RYR2: variants seen among roughly 807,000 people sequenced by gnomAD.
RYR2 encodes the protein cardiac muscle ryanodine receptor-calcium release channel.
Under a neutral mutation model 601.1 loss-of-function variants are expected in RYR2, and 227 were observed. The observed-to-expected ratio is 0.38, with a 90% CI of 0.34 to 0.42. The LOEUF (loss-of-function observed/expected upper bound fraction) is 0.42, where lower values mean the gene tolerates loss of function less well. Among genes scored for constraint, RYR2 ranks in the 10% least tolerant of loss-of-function variants. The pLI, the probability that RYR2 is intolerant of heterozygous loss-of-function variation, is 1.00. For synonymous variants in RYR2, 2,223 were observed against 2,175.1 expected (o/e 1.02, Z -0.61); for missense variants, 4,646 against 6,156.5 (o/e 0.75, Z 8.21).
rs542784498 is a variant in RYR2, at chr1:237,570,136, C to T, written c.3598+817C>T. 2.5e-4 allele frequency among the ~76,000 whole-genome samples: 38 copies of T among 149,820 alleles called. 2 individuals carry two copies. Among genetic ancestry groups the T allele is most frequent in the East Asian group, 2.0e-4 (1 of 4,908 alleles). On this transcript the variant is annotated intron_variant, in intron 29 of 104. Transcript: ENST00000366574. ...GAGAGGCTGAGGCAGGAGAATTGCT[C>T]GAACCCAGGAGGCAGAGGTTGCAGT... is the stretch of plus-strand genomic sequence containing the variant.
chr1:237,281,282 A>G (rs1006117085), intron 2 of RYR2, among the ~76,000 whole-genome samples: 16 of 152,210 alleles, frequency 1.1e-4, no homozygotes, highest in African/African-American at 3.4e-4. Flanking sequence ...ATGATGCCTT[A>G]CGCCTTATGA....
chr1:237,044,444 G>T (rs1660311726), intron 1 of RYR2, among the ~76,000 whole-genome samples: 1 of 152,142 alleles, frequency 6.6e-6, no homozygotes, highest in Non-Finnish European at 1.5e-5. Flanking sequence ...GCTGGCTGAT[G>T]AGGTTCTGCA....
chr1:237,286,023 T>C (rs1465221819), intron 2 of RYR2, among the ~76,000 whole-genome samples: 1 of 152,184 alleles, frequency 6.6e-6, no homozygotes, highest in Non-Finnish European at 1.5e-5. Context: ...TTTCATTTAG[T>C]TCTGCTCTGA....
intron 46 of RYR2, 93 bp downstream of exon 46, chr1:237,639,294 AC>A (rs1237882312): frequency 2.5e-6 from 3 of 1,185,388 alleles, no homozygotes; most frequent in Non-Finnish European, 3.4e-6. Flanking sequence ...TTGTAATATA[AC>A]TTGTGGTACA....
At chr1:237,087,324 A>G (rs866269365) in intron 1 of RYR2, among the ~76,000 whole-genome samples, 10 of 152,020 alleles carry the variant, frequency 6.6e-5, no homozygotes, top group African/African-American at 2.2e-4. Context: ...GTTCAATTCC[A>G]GGTTTAGGAC....
chr1:237,565,569 T>C (rs1447338453), intron 27 of RYR2, among the ~76,000 whole-genome samples: 1 of 152,152 alleles, frequency 6.6e-6, no homozygotes, highest in Non-Finnish European at 1.5e-5. Flanking sequence ...AACCAGTAAC[T>C]AGTAACTCTG....
intron 1 of RYR2, among the ~76,000 whole-genome samples, chr1:237,246,408 T>C (rs1686840892): frequency 6.6e-6 from 1 of 152,214 alleles, no homozygotes; most frequent in Non-Finnish European, 1.5e-5. Context: ...TTTTCTTTCT[T>C]TTCTCGGTTG....
chr1:237,085,633 G>A (rs927704999), intron 1 of RYR2, among the ~76,000 whole-genome samples: 2 of 152,212 alleles, frequency 1.3e-5, no homozygotes, highest in Non-Finnish European at 2.9e-5. Context: ...AGAACCAAGA[G>A]CATTTGAGGT....
rs386370106 is a variant in RYR2, at chr1:237,262,245, GTTTTTTTTTTTTT to G, written c.49-8237_49-8225del. Among the ~76,000 whole-genome samples the G allele has an allele frequency of 6.5e-5, 4 of 61,106 alleles. No homozygotes were observed. The Admixed American group carries it at 9.1e-4, about 14-fold the overall frequency. 40.1% of individuals were successfully genotyped at this position (61,106 alleles called of 152,430 possible). ...AAATATTAGATCTCTGTTCTAAAGA[GTTTTTTTTTTTTT>G]TTTTTTTTTTTTTTATGATGGAGTT... On this transcript the variant is annotated intron_variant, in intron 1 of 104. Coordinates refer to ENST00000366574, the MANE Select transcript of RYR2 (RefSeq NM_001035.3).
intron 5 of RYR2, among the ~76,000 whole-genome samples, chr1:237,366,981 G>A (rs1700249496): frequency 6.6e-6 from 1 of 152,112 alleles, no homozygotes; most frequent in South Asian, 2.1e-4. Flanking sequence ...AAAAAAAAGT[G>A]CTCTCTAAAG....
intron 1 of RYR2, among the ~76,000 whole-genome samples, chr1:237,208,936 G>GTGTATATA (rs1418847642): frequency 2.1e-4 from 19 of 89,860 alleles, no homozygotes; most frequent in African/African-American, 4.0e-4. Context: ...ATGTGTGTGT[G>GTGTATATA]TATATATATA....
intron 10 of RYR2, among the ~76,000 whole-genome samples, chr1:237,389,814 A>T (rs1317410186): frequency 6.6e-6 from 1 of 152,184 alleles, no homozygotes; most frequent in African/African-American, 2.4e-5. Flanking sequence ...TGAGTCTTTA[A>T]CTTAACAAAA....
intron 63 of RYR2, among the ~76,000 whole-genome samples, chr1:237,691,402 T>C (rs1686933248): frequency 6.6e-6 from 1 of 152,146 alleles, no homozygotes; most frequent in Admixed American, 6.5e-5. Flanking sequence ...GAGCAGAGTT[T>C]GATGGGTAAT....
intron 80 of RYR2, among the ~76,000 whole-genome samples, chr1:237,748,891 A>G (rs1311546197): frequency 6.6e-6 from 1 of 152,250 alleles, no homozygotes; most frequent in Non-Finnish European, 1.5e-5. Context: ...TCCCTAAACA[A>G]TACAGCAGAA....
chr1:237,280,784 T>TG (rs1177030923), intron 2 of RYR2, among the ~76,000 whole-genome samples: 1 of 151,136 alleles, frequency 6.6e-6, no homozygotes, highest in Non-Finnish European at 1.5e-5. Context: ...CTTACTGGTT[T>TG]TTTTTTTTTT....
chr1:237,198,330 A>G (rs145137818), intron 1 of RYR2, among the ~76,000 whole-genome samples: 72 of 152,252 alleles, frequency 4.7e-4, no homozygotes, highest in African/African-American at 1.5e-3. Context: ...TATCTGAACT[A>G]TGCGTCATTT....
intron 1 of RYR2, among the ~76,000 whole-genome samples, chr1:237,061,877 A>C (rs1308366612): frequency 6.6e-6 from 1 of 151,968 alleles, no homozygotes; most frequent in African/African-American, 2.4e-5. Flanking sequence ...TACTATTTTA[A>C]GGCTGATATT....
At chr1:237,125,627 G>T (rs1156672228) in intron 1 of RYR2, among the ~76,000 whole-genome samples, 2 of 152,150 alleles carry the variant, frequency 1.3e-5, no homozygotes, top group African/African-American at 4.8e-5. Flanking sequence ...TTTGTGCTAA[G>T]TTCCTCAAAT....
At chr1:237,046,389 C>A (rs1213702282) in intron 1 of RYR2, among the ~76,000 whole-genome samples, 1 of 152,096 alleles carries the variant, frequency 6.6e-6, no homozygotes, top group Non-Finnish European at 1.5e-5. Context: ...CAAAAGAATA[C>A]CAAGTCAGTT....
Sources: allele counts gnomAD v4.1 joint callset (sites outside exome capture counted in the v4.1 genomes callset), GRCh38; gene constraint gnomAD v4.1.1; transcripts MANE v1.5; gene names NCBI Gene and HGNC (gene_info 2026-07-23, HGNC 2026-07-21).